PEBP4: variants seen among roughly 807,000 people sequenced by gnomAD.
The protein encoded by PEBP4 is phosphatidylethanolamine binding protein 4.
PEBP4 carries 22 observed loss-of-function variants against 23.9 expected under a neutral mutation model. The ratio of observed to expected loss-of-function variants is 0.92; its 90% CI spans 0.66 to 1.31. PEBP4 has a LOEUF of 1.31. PEBP4 is among the 40% of genes most tolerant of loss of function. The probability of loss-of-function intolerance (pLI) is 0.00; values close to 1 mark genes in which losing one functional copy is unlikely to be tolerated. For synonymous variants in PEBP4, 112 were observed against 99.3 expected (o/e 1.13, Z -0.76); for missense variants, 324 against 281.7 (o/e 1.15, Z -1.07).
chr8:22,916,644 T>A (rs1320317986), intron 3 of PEBP4, among the ~76,000 whole-genome samples: 1 of 141,820 alleles, frequency 7.1e-6, no homozygotes, highest in Non-Finnish European at 1.6e-5. Flanking sequence ...CTCTCCCACA[T>A]GTCATTCATT....
intron 3 of PEBP4, among the ~76,000 whole-genome samples, chr8:22,870,932 T>C (rs1807994713): frequency 1.3e-5 from 2 of 152,112 alleles, no homozygotes. Context: ...GGATCAAAGA[T>C]GGCCATTGAT....
At chr8:22,786,471 C>T (rs1009169183) in intron 4 of PEBP4, among the ~76,000 whole-genome samples, 1 of 151,904 alleles carries the variant, frequency 6.6e-6, no homozygotes, top group East Asian at 1.9e-4. Context: ...TTTGAAGAGA[C>T]GGGGGCCTTG....
At chr8:22,806,620 A>C (rs1806499184) in intron 4 of PEBP4, among the ~76,000 whole-genome samples, 1 of 151,142 alleles carries the variant, frequency 6.6e-6, no homozygotes, top group Non-Finnish European at 1.5e-5. Flanking sequence ...GTCTCAAAAA[A>C]AAAAAAAAAA....
chr8:22,807,912 G>C (rs1365275933), intron 4 of PEBP4, among the ~76,000 whole-genome samples: 2 of 126,722 alleles, frequency 1.6e-5, no homozygotes, highest in Admixed American at 8.2e-5. Flanking sequence ...CCCAACCTCT[G>C]TCCACCTATC....
At chr8:22,726,588 C>T (rs537618485) in intron 5 of PEBP4, among the ~76,000 whole-genome samples, 3 of 152,354 alleles carry the variant, frequency 2.0e-5, no homozygotes, top group South Asian at 2.1e-4. Flanking sequence ...ACCACTTCTC[C>T]GGGCCAGGCC....
chr8:22,888,941 G>A (rs1808439818), intron 3 of PEBP4, among the ~76,000 whole-genome samples: 1 of 152,224 alleles, frequency 6.6e-6, no homozygotes, highest in Admixed American at 6.5e-5. Context: ...TACTCCGCCA[G>A]GAAGCCTTCC....
At chr8:22,719,145 C>A (rs576230131) in intron 6 of PEBP4, among the ~76,000 whole-genome samples, 1 of 152,156 alleles carries the variant, frequency 6.6e-6, no homozygotes, top group Non-Finnish European at 1.5e-5. Flanking sequence ...TGCTAGGGAG[C>A]GGCTTATGGC....
At chr8:22,838,292 A>G (rs542809060) in intron 3 of PEBP4, among the ~76,000 whole-genome samples, 1 of 152,126 alleles carries the variant, frequency 6.6e-6, no homozygotes, top group Non-Finnish European at 1.5e-5. Context: ...GGTGCTTAAG[A>G]CATATTTGTT....
intron 4 of PEBP4, among the ~76,000 whole-genome samples, chr8:22,751,630 C>CTGTG (rs66800038): frequency 1.8e-4 from 25 of 137,584 alleles, no homozygotes; most frequent in African/African-American, 7.2e-4. Context: ...GTGTGTGTCT[C>CTGTG]TGTGTGTGTG....
intron 4 of PEBP4, among the ~76,000 whole-genome samples, chr8:22,750,876 A>G (rs1039651491): frequency 2.0e-5 from 3 of 152,216 alleles, no homozygotes; most frequent in Admixed American, 1.3e-4. Flanking sequence ...AAAGTATCTC[A>G]GAGAGGAAGA....
Position 22,927,816 on chromosome 8 carries a change from T to C in PEBP4, c.-7+7A>G, listed in dbSNP as rs902877531. Reference sequence around the variant, plus strand: ...GACCCCAGGGGCCCACTTGGCAGGATAGAGACCTCTGGTTAAGCACAGGGA... The same window carrying C: ...GACCCCAGGGGCCCACTTGGCAGGACAGAGACCTCTGGTTAAGCACAGGGA... On this transcript the variant is annotated splice_region_variant and intron_variant, in intron 1 of 6. Coordinates refer to ENST00000256404, the MANE Select transcript of PEBP4 (RefSeq NM_144962.3). 9.4e-6 allele frequency: 14 copies of C among 1,487,188 alleles called. No homozygotes were observed. The highest frequency in any genetic ancestry group is 2.3e-5 in the East Asian group (1 of 42,882). The allele number at this position is 1,487,188 out of a possible 1,614,324, so 92.1% of individuals were successfully genotyped here. A position where few individuals can be genotyped will look rare whatever the true frequency, so the allele number is the denominator to read the frequency against.
intron 3 of PEBP4, among the ~76,000 whole-genome samples, chr8:22,898,732 C>G (rs951213420): frequency 6.6e-6 from 1 of 152,138 alleles, no homozygotes; most frequent in Non-Finnish European, 1.5e-5. Flanking sequence ...TTCTCGATGA[C>G]CTGGCATAGA....
At chr8:22,931,953 G>A (rs913150337), upstream of PEBP4, among the ~76,000 whole-genome samples, 8 of 152,014 alleles carry the variant, frequency 5.3e-5, no homozygotes, top group Admixed American at 1.3e-4. Flanking sequence ...CAATTTCTTC[G>A]CCCTTATCTT....
At chr8:22,781,437 G>T (rs1242365010) in intron 4 of PEBP4, among the ~76,000 whole-genome samples, 1 of 152,202 alleles carries the variant, frequency 6.6e-6, no homozygotes, top group African/African-American at 2.4e-5. Context: ...GGGCTGCTTA[G>T]TCACCGCTTT....
intron 5 of PEBP4, among the ~76,000 whole-genome samples, chr8:22,725,581 G>T (rs1478889439): frequency 6.6e-6 from 1 of 151,850 alleles, no homozygotes; most frequent in Non-Finnish European, 1.5e-5. Context: ...GGGAAGTGGG[G>T]TGGGGACATC....
intron 1 of PEBP4, among the ~76,000 whole-genome samples, chr8:22,935,044 C>A (rs1809515691): frequency 6.6e-6 from 1 of 152,128 alleles, no homozygotes; most frequent in South Asian, 2.1e-4. Flanking sequence ...TGATAAGAAT[C>A]AATTCATCAA....
At chr8:22,809,477 G>T (rs915499294) in intron 4 of PEBP4, among the ~76,000 whole-genome samples, 2 of 152,122 alleles carry the variant, frequency 1.3e-5, no homozygotes, top group East Asian at 1.9e-4. Flanking sequence ...GGGCCTAGGT[G>T]GTGGGTGTGG....
At chr8:22,915,049 G>A (rs542007788) in intron 3 of PEBP4, among the ~76,000 whole-genome samples, 19 of 152,028 alleles carry the variant, frequency 1.2e-4, no homozygotes, top group South Asian at 2.1e-4. Context: ...AGAAACCCGA[G>A]GGTCATCTGG....
chr8:22,767,358 T>C (rs1372524877), intron 4 of PEBP4, among the ~76,000 whole-genome samples: 1 of 152,204 alleles, frequency 6.6e-6, no homozygotes, highest in African/African-American at 2.4e-5. Flanking sequence ...GCTGTGGTTT[T>C]TGAATAATCC....
Sources: allele counts gnomAD v4.1 joint callset (sites outside exome capture counted in the v4.1 genomes callset), GRCh38; gene constraint gnomAD v4.1.1; transcripts MANE v1.5; gene names NCBI Gene and HGNC (gene_info 2026-07-23, HGNC 2026-07-21).